Variants in SCN10A observed in about 807,000 individuals in gnomAD.
The protein encoded by SCN10A is sodium voltage-gated channel alpha subunit 10.
Under a neutral mutation model 170.7 loss-of-function variants are expected in SCN10A, and 162 were observed. The observed-to-expected ratio is 0.95, with a 90% CI of 0.84 to 1.08. The LOEUF (loss-of-function observed/expected upper bound fraction) is 1.08, where lower values mean the gene tolerates loss of function less well. Ranked by LOEUF, SCN10A falls within the 50% of genes least tolerant of loss-of-function variation. SCN10A has a pLI of 0.00. For missense variants in SCN10A, 2,527 were observed against 2,436.9 expected (o/e 1.04, Z -0.78); for synonymous variants, 985 against 904.6 (o/e 1.09, Z -1.59).
intron 4 of SCN10A, among the ~76,000 whole-genome samples, chr3:38,773,945 A>G (rs2064040074): frequency 6.6e-6 from 1 of 152,176 alleles, no homozygotes; most frequent in South Asian, 2.1e-4. Context: ...ATCAGAAGAC[A>G]CAGGTAAAAA....
At chr3:38,731,347 C>G (rs2063511474) in intron 15 of SCN10A, among the ~76,000 whole-genome samples, 1 of 152,104 alleles carries the variant, frequency 6.6e-6, no homozygotes, top group Admixed American at 6.5e-5. Context: ...GGAGGTACTT[C>G]AGGTAGATAG....
chr3:38,815,327 T>C (rs1264295113), intron 1 of SCN10A, among the ~76,000 whole-genome samples: 2 of 152,212 alleles, frequency 1.3e-5, no homozygotes, highest in Non-Finnish European at 2.9e-5. Context: ...TTCTCAACCT[T>C]GTTGTCCATC....
intron 23 of SCN10A, among the ~76,000 whole-genome samples, chr3:38,711,189 G>A (rs2063270029): frequency 6.6e-6 from 1 of 152,208 alleles, no homozygotes; most frequent in African/African-American, 2.4e-5. Flanking sequence ...AGTGCCAATT[G>A]CTACAAGTCT....
intron 13 of SCN10A, among the ~76,000 whole-genome samples, chr3:38,743,178 A>C (rs994697582): frequency 4.6e-5 from 7 of 152,162 alleles, no homozygotes; most frequent in African/African-American, 1.4e-4. Flanking sequence ...TTTCACTCAG[A>C]ATATAGACTA....
At chr3:38,708,088 T>C (rs1318714216) in intron 25 of SCN10A, among the ~76,000 whole-genome samples, 2 of 152,172 alleles carry the variant, frequency 1.3e-5, no homozygotes, top group Non-Finnish European at 2.9e-5. Flanking sequence ...TTTAATAACA[T>C]GTTTATGTAA....
chr3:38,697,316 A>G lies in SCN10A; in HGVS notation c.*33T>C, dbSNP rs2063099159. On this transcript the variant is annotated 3_prime_UTR_variant, in exon 28 of 28. Coordinates refer to ENST00000449082, the MANE Select transcript of SCN10A (RefSeq NM_006514.4). ...TTAACACAGAGCAGAAGGACGCATC[A>G]TAACTGAACATATCCAGGCTGGAGT... is the stretch of plus-strand genomic sequence containing the variant. The G allele has an allele frequency of 6.2e-7, 1 of 1,605,728 alleles. No homozygotes were observed. The highest frequency in any genetic ancestry group is 1.3e-5 in the African/African-American group (1 of 74,760).
intron 21 of SCN10A, among the ~76,000 whole-genome samples, chr3:38,718,167 A>G (rs2063351877): frequency 6.6e-6 from 1 of 152,200 alleles, no homozygotes; most frequent in Non-Finnish European, 1.5e-5. Flanking sequence ...ACCACCCAAG[A>G]CCAATAAGAT....
chr3:38,732,518 T>A (rs1407684230), intron 15 of SCN10A, among the ~76,000 whole-genome samples: 1 of 152,184 alleles, frequency 6.6e-6, no homozygotes, highest in Non-Finnish European at 1.5e-5. Context: ...TGCAGCTAGT[T>A]GTACTTATCT....
intron 1 of SCN10A, among the ~76,000 whole-genome samples, chr3:38,804,235 G>T (rs35257385): frequency 1.3e-5 from 2 of 151,904 alleles, no homozygotes; most frequent in African/African-American, 4.8e-5. Flanking sequence ...TTTTCAACTT[G>T]TTCTTTTCTC....
chr3:38,732,189 C>T lies in SCN10A; in HGVS notation c.2281-3288G>A, dbSNP rs552864534. On this transcript the variant is annotated intron_variant, in intron 15 of 27. Transcript: ENST00000449082. ...TTCACTTTTCTCCTCCCAGACACAA[C>T]GGAAGACTGTTTTCCAGTTTTGCTT... Among the ~76,000 whole-genome samples the T allele has an allele frequency of 7.5e-4, 115 of 152,326 alleles. No homozygotes were observed. The South Asian group carries it at 0.011, about 15-fold the overall frequency.
chr3:38,706,538 C>T (rs918496899), intron 26 of SCN10A, among the ~76,000 whole-genome samples: 3 of 152,182 alleles, frequency 2.0e-5, no homozygotes, highest in African/African-American at 7.2e-5. Context: ...AACATCTTCA[C>T]CCCCAAACCT....
chr3:38,778,409 C>G (rs749046670), intron 4 of SCN10A, among the ~76,000 whole-genome samples: 5 of 151,840 alleles, frequency 3.3e-5, no homozygotes, highest in African/African-American at 7.2e-5. Context: ...TCTTTACCTT[C>G]TGGTGCCCAA....
chr3:38,810,558 T>C (rs1374076264), intron 1 of SCN10A, among the ~76,000 whole-genome samples: 1 of 152,192 alleles, frequency 6.6e-6, no homozygotes, highest in East Asian at 1.9e-4. Context: ...CTAAATTAGG[T>C]GGCCCCAAGA....
intron 20 of SCN10A, 46 bp from the exon 21 acceptor site, chr3:38,718,872 A>T (rs2063359824): frequency 6.3e-7 from 1 of 1,588,330 alleles, no homozygotes; most frequent in Non-Finnish European, 8.6e-7. Context: ...CTGGACCCAC[A>T]GCACTGGGGC....
intron 3 of SCN10A, among the ~76,000 whole-genome samples, chr3:38,791,487 T>C (rs1358560499): frequency 6.6e-6 from 1 of 152,194 alleles, no homozygotes; most frequent in Non-Finnish European, 1.5e-5. Context: ...TTTTGAGTAA[T>C]TTGTGATGTT....
At chr3:38,786,510 G>T (rs2064204859) in intron 4 of SCN10A, among the ~76,000 whole-genome samples, 1 of 152,094 alleles carries the variant, frequency 6.6e-6, no homozygotes, top group Admixed American at 6.6e-5. Flanking sequence ...GATAGCATTA[G>T]GAGAAATACC....
intron 3 of SCN10A, among the ~76,000 whole-genome samples, chr3:38,791,433 T>C (rs966127162): frequency 6.6e-6 from 1 of 152,224 alleles, no homozygotes; most frequent in African/African-American, 2.4e-5. Context: ...CAGTCTTGTA[T>C]GGCATGAACA....
Position 38,698,346 on chromosome 3 carries a change from C to A in SCN10A, c.4874G>T (p.Gly1625Val). The change falls in exon 28 of 28, where the codon GGT becomes GTT. Residue 1625 changes from glycine (G) to valine (V), a missense_variant. Physicochemically the swap from Gly to Val is moderately radical, Grantham distance 109. Transcript: ENST00000449082. ...CCTCACATGGGGAAAGCTGGACATACCGAAGATAGAGTAGATGAACATGAC... is the reference window on the plus strand; with the variant it reads ...CCTCACATGGGGAAAGCTGGACATAACGAAGATAGAGTAGATGAACATGAC... ...FLVMFIYSIF[G>V]MSSFPHVRWE... The A allele has an allele frequency of 6.2e-7, 1 of 1,613,968 alleles. No homozygotes were observed. The highest frequency in any genetic ancestry group is 8.5e-7 in the Non-Finnish European group (1 of 1,179,872).
In SCN10A at chr3:38,810,250, G is replaced by A. The variant is rs143118688; in HGVS notation, c.-33+5787C>T. Among the ~76,000 whole-genome samples, 324 of 152,278 alleles carry A rather than the reference G, an allele frequency of 2.1e-3. 1 individual carries two copies. The highest frequency in any genetic ancestry group is 7.3e-3 in the African/African-American group (303 of 41,552). Reference sequence around the variant, plus strand: ...ACGCAAATTATAATAAAAATTGACAGGTAGAAATGGGTTTTGGGCAAGGTT... The same window carrying A: ...ACGCAAATTATAATAAAAATTGACAAGTAGAAATGGGTTTTGGGCAAGGTT... On this transcript the variant is annotated intron_variant, in intron 1 of 27. Transcript: ENST00000449082.
Sources: gnomAD v4.1 joint callset for allele counts (sites outside exome capture counted in the v4.1 genomes callset) on GRCh38, gnomAD v4.1.1 for gene constraint, MANE v1.5 for transcripts, NCBI Gene and HGNC (gene_info 2026-07-23, HGNC 2026-07-21) for gene names.